MEI4: variants seen among roughly 807,000 people sequenced by gnomAD.
The protein encoded by MEI4 is meiosis-specific protein MEI4.
MEI4 carries 27 observed loss-of-function variants against 31.4 expected under a neutral mutation model. The ratio of observed to expected loss-of-function variants is 0.86; its 90% confidence interval spans 0.63 to 1.19. The LOEUF is 1.19. Among genes scored for constraint, MEI4 ranks in the 50% most tolerant of loss-of-function variants. The probability of loss-of-function intolerance (pLI) is 0.00; values close to 1 mark genes in which losing one functional copy is unlikely to be tolerated. For synonymous variants in MEI4, 122 were observed against 145.4 expected, an observed-to-expected ratio of 0.84 and a Z score of 1.16; for missense variants, 329 against 398.9, an observed-to-expected ratio of 0.82 and a Z score of 1.49.
chr6:77,914,390 T>C (rs1049989774), intron 4 of MEI4, among the ~76,000 whole-genome samples: 1 of 152,100 alleles, frequency 6.6e-6, no homozygotes, highest in African/African-American at 2.4e-5. Flanking sequence ...TTGAATGTAT[T>C]TGTACAGTTT....
intron 2 of MEI4, among the ~76,000 whole-genome samples, chr6:77,737,945 T>C (rs1767295788): frequency 6.6e-6 from 1 of 152,148 alleles, no homozygotes; most frequent in Non-Finnish European, 1.5e-5. Flanking sequence ...CATATTGAGA[T>C]AGTAGCAAGG....
intron 1 of MEI4, among the ~76,000 whole-genome samples, chr6:77,686,537 T>C (rs1468568684): frequency 6.6e-6 from 1 of 152,148 alleles, no homozygotes; most frequent in East Asian, 1.9e-4. Context: ...GTACATTTAA[T>C]GTCATGTGGG....
chr6:77,756,318 T>C (rs929759119), intron 2 of MEI4, among the ~76,000 whole-genome samples: 3 of 152,174 alleles, frequency 2.0e-5, no homozygotes, highest in African/African-American at 7.2e-5. Context: ...ATTTATGTTT[T>C]TTCTCTTCTA....
intron 4 of MEI4, among the ~76,000 whole-genome samples, chr6:77,896,182 G>T (rs1311277926): frequency 1.3e-5 from 2 of 152,112 alleles, no homozygotes; most frequent in Admixed American, 1.3e-4. Flanking sequence ...ACAGAGGAAT[G>T]CAAGCTCTAT....
intron 2 of MEI4, among the ~76,000 whole-genome samples, chr6:77,711,338 A>G (rs926586257): frequency 6.6e-6 from 1 of 152,212 alleles, no homozygotes; most frequent in African/African-American, 2.4e-5. Flanking sequence ...ATATATGTAT[A>G]TATATGTGTG....
At chr6:77,856,408 A>C (rs776443139) in intron 4 of MEI4, among the ~76,000 whole-genome samples, 2 of 152,132 alleles carry the variant, frequency 1.3e-5, no homozygotes, top group Non-Finnish European at 2.9e-5. Context: ...CTACGTTCTC[A>C]TAAAGCCCTA....
chr6:77,742,134 C>A (rs918755407), intron 2 of MEI4, among the ~76,000 whole-genome samples: 1 of 151,886 alleles, frequency 6.6e-6, no homozygotes, highest in Admixed American at 6.6e-5. Context: ...GGGTATATAC[C>A]CAGTAGTGGG....
chr6:77,869,467 CAGAA>C (rs1188543716), intron 4 of MEI4, among the ~76,000 whole-genome samples: 3 of 151,984 alleles, frequency 2.0e-5, no homozygotes, highest in Admixed American at 1.3e-4. Context: ...AATTTGTACA[CAGAA>C]AGAAACACTA....
intron 4 of MEI4, among the ~76,000 whole-genome samples, chr6:77,911,733 A>AAT (rs57488657): frequency 0.032 from 4,666 of 147,022 alleles, 87 homozygotes; most frequent in Admixed American, 0.065. Flanking sequence ...TTATATATAT[A>AAT]ATATATATAT....
chr6:77,863,417 C>A (rs941858819), intron 4 of MEI4, among the ~76,000 whole-genome samples: 2 of 151,818 alleles, frequency 1.3e-5, no homozygotes, highest in Non-Finnish European at 2.9e-5. Flanking sequence ...AACCAAGGCA[C>A]GGGAACTACG....
intron 1 of MEI4, among the ~76,000 whole-genome samples, chr6:77,678,612 A>G (rs1373600841): frequency 6.6e-6 from 1 of 151,356 alleles, no homozygotes; most frequent in African/African-American, 2.4e-5. Flanking sequence ...TACAGGTATG[A>G]CACAATTATG....
chr6:77,755,112 C>T (rs1351417449), intron 2 of MEI4, among the ~76,000 whole-genome samples: 5 of 151,942 alleles, frequency 3.3e-5, no homozygotes, highest in Non-Finnish European at 7.4e-5. Flanking sequence ...GGAAGGATCC[C>T]TTGAGAGCAG....
chr6:77,898,089 T>C lies in MEI4; in HGVS notation c.901-25000T>C, dbSNP rs150869391. Among the ~76,000 whole-genome samples the C allele has an allele frequency of 2.8e-4, 42 of 152,158 alleles. No individual in the cohort carries two copies. The East Asian group carries it at 6.9e-3, about 25-fold the overall frequency. On this transcript the variant is annotated intron_variant, in intron 4 of 4. Transcript: ENST00000684080. ...GACTCTGTTCTTGAGCATTTGAGCA[T>C]TGTTGCAAGCATGGTCAGATGCTCT...
intron 3 of MEI4, among the ~76,000 whole-genome samples, chr6:77,777,005 A>G (rs1200594883): frequency 6.6e-6 from 1 of 152,194 alleles, no homozygotes; most frequent in African/African-American, 2.4e-5. Flanking sequence ...CTGTAAGTAG[A>G]AATGGAGATA....
intron 4 of MEI4, among the ~76,000 whole-genome samples, chr6:77,857,160 T>C (rs1770765840): frequency 6.6e-6 from 1 of 152,188 alleles, no homozygotes; most frequent in African/African-American, 2.4e-5. Flanking sequence ...TTTGAACTAA[T>C]GTATATTTCA....
intron 4 of MEI4, among the ~76,000 whole-genome samples, chr6:77,836,116 T>C (rs2127713305): frequency 6.6e-6 from 1 of 152,260 alleles, no homozygotes; most frequent in South Asian, 2.1e-4. Flanking sequence ...GTTTTTTGCA[T>C]TGTAAATATT....
intron 2 of MEI4, among the ~76,000 whole-genome samples, chr6:77,753,685 CAGT>C (rs1767841185): frequency 6.6e-6 from 1 of 152,162 alleles, no homozygotes; most frequent in African/African-American, 2.4e-5. Context: ...TTGTGGAAGA[CAGT>C]AGGTCGATTC....
chr6:77,712,194 CAT>C (rs772904482), intron 2 of MEI4, among the ~76,000 whole-genome samples: 144 of 152,284 alleles, frequency 9.5e-4, no homozygotes, highest in Middle Eastern at 6.8e-3. Context: ...TATACACACA[CAT>C]ACACATATCT....
At chr6:77,821,649 G>T (rs545243575) in intron 3 of MEI4, among the ~76,000 whole-genome samples, 1 of 151,886 alleles carries the variant, frequency 6.6e-6, no homozygotes, top group Non-Finnish European at 1.5e-5. Flanking sequence ...TACAAAATTA[G>T]CCAGGCATGG....
Sources: allele counts gnomAD v4.1 joint callset (sites outside exome capture counted in the v4.1 genomes callset), GRCh38; gene constraint gnomAD v4.1.1; transcripts MANE v1.5; gene names NCBI Gene and HGNC (gene_info 2026-07-23, HGNC 2026-07-21).